The following VPS9D1 variants were observed in gnomAD, a reference collection of about 807,000 sequenced individuals.
The protein encoded by VPS9D1 is VPS9 domain containing 1, also known as VPS9 domain-containing protein 1.
In VPS9D1, 78 loss-of-function variants were observed where a neutral mutation model predicts 75.8. That is an observed-to-expected ratio of 1.03 (90% CI 0.86 to 1.24). The LOEUF (loss-of-function observed/expected upper bound fraction) is 1.24. Among genes scored for constraint, VPS9D1 ranks in the 50% most tolerant of loss-of-function variants. The pLI is 0.00. For synonymous variants in VPS9D1, 481 were observed against 385.6 expected, an observed-to-expected ratio of 1.25 and a Z score of -2.90; for missense variants, 1,057 against 847.7, an observed-to-expected ratio of 1.25 and a Z score of -3.07.
chr16:89,720,735 G>A, intron 1 of VPS9D1, 28 bp downstream of exon 1: 1 of 1,425,144 alleles, frequency 7.0e-7, no homozygotes, highest in Non-Finnish European at 9.2e-7. Context: ...ACCCTCAGCG[G>A]CCAAGCCCCG....
rs372206247 is a variant in VPS9D1 at position 89,711,425 on chromosome 16, G to A, written c.748-13C>T. 1.4e-5 allele frequency: 23 copies of A among 1,596,208 alleles called. No individual in the cohort carries two copies. Among genetic ancestry groups the A allele is most frequent in the Non-Finnish European group, 2.0e-5 (23 of 1,171,582 alleles). On this transcript the variant is annotated splice_polypyrimidine_tract_variant and intron_variant, in intron 8 of 14. Coordinates refer to ENST00000389386, the MANE Select transcript of VPS9D1 (RefSeq NM_004913.3). ...GCTTCGGCCAGTCCTACGGGACAGGGGGCCTTGAAGGAAAGCACGGTGGGT... is the reference window on the plus strand; with the variant it reads ...GCTTCGGCCAGTCCTACGGGACAGGAGGCCTTGAAGGAAAGCACGGTGGGT...
intron 1 of VPS9D1, among the ~76,000 whole-genome samples, chr16:89,719,952 C>T (rs965474085): frequency 6.6e-6 from 1 of 152,244 alleles, no homozygotes; most frequent in African/African-American, 2.4e-5. Context: ...CTCCTCACCT[C>T]AGGTGATCCA....
chr16:89,718,934 C>T (rs995177049), intron 2 of VPS9D1, 93 bp downstream of exon 2: 21 of 1,094,204 alleles, frequency 1.9e-5, no homozygotes, highest in Admixed American at 7.6e-5. Flanking sequence ...AGGATGGTTT[C>T]GATCTCCTGA....
intron 2 of VPS9D1, chr16:89,717,764 T>G (rs2151639736): frequency 4.4e-6 from 2 of 456,686 alleles, no homozygotes; most frequent in Non-Finnish European, 8.8e-6. Context: ...CTCCTCAATC[T>G]TGGAGCGCCA....
chr16:89,708,935 C>T lies in VPS9D1; in HGVS notation c.1619G>A (p.Cys540Tyr), dbSNP rs530320887. 1.2e-6 allele frequency: 2 copies of T among 1,605,308 alleles called. No homozygotes were observed. The highest frequency in any genetic ancestry group is 1.7e-6 in the Non-Finnish European group (2 of 1,177,252). ...GGGGCAGTAGTCTTCCGCACAGACA[C>T]AGATGATCCGCAGGGTCCGCACTGC... Reference protein sequence around the residue: ...ECIVRTLRIICVCAEDYCPTP... With the variant: ...ECIVRTLRIIYVCAEDYCPTP... The change falls in exon 13 of 15, where the codon TGT becomes TAT. Residue 540 changes from cysteine (C) to tyrosine (Y), a missense_variant. Transcript: ENST00000389386.
rs2061203618 is a variant in VPS9D1, at chr16:89,719,953, AG to A, written c.99+809del. 2.0e-5 allele frequency among the ~76,000 whole-genome samples: 3 copies of A among 152,204 alleles called. No individual in the cohort carries two copies. The South Asian group carries it at 6.2e-4, about 31-fold the overall frequency. ...AGGCTGGTCTCAAACTCCTCACCTCAGGTGATCCACCGCCTGGGCCTCCCAA... is the reference window on the plus strand; with the variant it reads ...AGGCTGGTCTCAAACTCCTCACCTCAGTGATCCACCGCCTGGGCCTCCCAA... On this transcript the variant is annotated intron_variant, in intron 1 of 14. Transcript: ENST00000389386.
intron 4 of VPS9D1, 123 bp downstream of exon 4, chr16:89,716,339 C>G (rs900953985): frequency 1.4e-6 from 2 of 1,438,616 alleles, no homozygotes; most frequent in Non-Finnish European, 1.9e-6. Flanking sequence ...GCACTCCAGC[C>G]TGGGTGACAG....
Position 89,712,624 on chromosome 16 carries a change from G to A in VPS9D1, c.524C>T (p.Ala175Val), listed in dbSNP as rs372333660. 5 of 1,609,828 alleles carry A rather than the reference G, an allele frequency of 3.1e-6. No individual in the cohort carries two copies. Among genetic ancestry groups the A allele is most frequent in the Non-Finnish European group, 4.2e-6 (5 of 1,178,080 alleles). ...ACTCACCAGGGATGTCTTCTGCATG[G>A]CCTGGCTGGGGTCTAGCCGCGCCAT... is the stretch of plus-strand genomic sequence containing the variant. The part of the protein sequence containing the change: ...ARMARLDPSQ[A>V]MQKTSLTLSL... Residue 175 changes from alanine to valine, a missense_variant, in exon 5 of 15, where the codon GCC becomes GTC. Physicochemically the swap from Ala to Val is moderately conservative, Grantham distance 64. Coordinates refer to ENST00000389386, the MANE Select transcript of VPS9D1 (RefSeq NM_004913.3).
At position 89,708,558 on chromosome 16, in the gene VPS9D1, G is replaced by T. The variant is rs1408689264; in HGVS notation, c.1698-27C>A. ...TGTCGGGAGGGCATAGCGGCCTTGG[G>T]TTGGGGCCAGGAGCCTCTCACTCCG... On this transcript the variant is annotated intron_variant, in intron 13 of 14. Transcript: ENST00000389386. The T allele has an allele frequency of 1.9e-6, 3 of 1,601,638 alleles. No homozygotes were observed. In the East Asian group the frequency reaches 6.7e-5, roughly 36 times the overall value.
At chr16:89,708,641 C>T (rs1167134535) in intron 13 of VPS9D1, 110 bp from the exon 14 acceptor site, 2 of 1,254,520 alleles carry the variant, frequency 1.6e-6, no homozygotes, top group Non-Finnish European at 2.2e-6. Context: ...CTGTGCCCTT[C>T]TGCGCAGAGG....
intron 4 of VPS9D1, among the ~76,000 whole-genome samples, chr16:89,715,691 T>G (rs2061048049): frequency 6.6e-6 from 1 of 151,802 alleles, no homozygotes; most frequent in Non-Finnish European, 1.5e-5. Flanking sequence ...CTAATTTTTT[T>G]TGAGACGGAG....
In VPS9D1 at chr16:89,708,444, C is replaced by T; in HGVS notation, c.1785G>A (p.Glu595=). The part of the protein sequence containing the change: ...PQLVSECAAL[E]EFIHEGYLIG... ...GGGTCTACCCCTCGTGGATGAACTC[C>T]TCCAGGGCCGCGCACTCCGACACCA... The change falls in exon 14 of 15, where the codon GAG becomes GAA. Residue 595 remains glutamate, a synonymous_variant. Transcript: ENST00000389386. 6.2e-7 allele frequency: 1 copy of T among 1,612,412 alleles called. No homozygotes were observed. The highest frequency in any genetic ancestry group is 8.5e-7 in the Non-Finnish European group (1 of 1,179,714).
intron 4 of VPS9D1, among the ~76,000 whole-genome samples, chr16:89,714,327 G>C (rs2061011671): frequency 6.6e-6 from 1 of 152,132 alleles, no homozygotes; most frequent in African/African-American, 2.4e-5. Context: ...TGTGGCCCAG[G>C]GAAGGCAAAA....
intron 6 of VPS9D1, 38 bp downstream of exon 6, chr16:89,712,422 T>C (rs1396110805): frequency 1.9e-6 from 3 of 1,610,424 alleles, no homozygotes; most frequent in Non-Finnish European, 2.5e-6. Context: ...CACACTGAGT[T>C]TCCCCTCGGG....
Position 89,710,721 on chromosome 16 carries a change from C to T in VPS9D1, c.1123G>A (p.Asp375Asn), listed in dbSNP as rs752639395. The change falls in exon 10 of 15, where the codon GAC becomes AAC. Residue 375 changes from aspartate to asparagine, a missense_variant. Transcript: ENST00000389386. ...AGGTCCTCGAACGAGCTGTCCTTGT[C>T]TGGCAATCCAGATGCGGTGTCCCCC... ...PLGDTASGLP[D>N]KDSSFEDLEQ... 1.2e-6 allele frequency: 2 copies of T among 1,600,396 alleles called. No individual in the cohort carries two copies. Among genetic ancestry groups the T allele is most frequent in the Non-Finnish European group, 1.7e-6 (2 of 1,174,052 alleles).
At position 89,709,249 on chromosome 16, in the gene VPS9D1, G is replaced by A. The variant is rs774043324; in HGVS notation, c.1575C>T (p.Pro525=). Residue 525 remains proline (P), a synonymous_variant, in exon 12 of 15, where the codon CCC becomes CCT. Transcript: ENST00000389386. The part of the protein sequence containing the change: ...ELGLLVLESC[P]QKKLECIVRT... The stretch of plus-strand genomic sequence containing the variant: ...GACCTATGCACTCCAGCTTCTTCTG[G>A]GGGCAGCTCTCCAGGACCAGCAGTC... 5 of 1,611,858 alleles carry A rather than the reference G, an allele frequency of 3.1e-6. No individual in the cohort carries two copies. Among genetic ancestry groups the A allele is most frequent in the Admixed American group, 3.3e-5 (2 of 59,990 alleles).
chr16:89,709,187 T>A (rs1326668781), intron 12 of VPS9D1, 40 bp downstream of exon 12: 2 of 1,603,088 alleles, frequency 1.2e-6, no homozygotes, highest in African/African-American at 2.7e-5. Context: ...CCTACTGGGA[T>A]GGGAGCCTGT....
chr16:89,718,100 C>T (rs1037737134), intron 2 of VPS9D1: 2 of 455,022 alleles, frequency 4.4e-6, no homozygotes, highest in Admixed American at 2.4e-5. Context: ...CTCCCCCTGA[C>T]CTCTGTGATC....
At chr16:89,711,237 T>G in intron 9 of VPS9D1, 90 bp downstream of exon 9, 1 of 1,397,374 alleles carries the variant, frequency 7.2e-7, no homozygotes, top group Non-Finnish European at 9.9e-7. Context: ...GCTCCCTGTG[T>G]CAGTCCAGCC....
Sources: gnomAD v4.1 joint callset for allele counts (sites outside exome capture counted in the v4.1 genomes callset) on GRCh38, gnomAD v4.1.1 for gene constraint, MANE v1.5 for transcripts, NCBI Gene and HGNC (gene_info 2026-07-23, HGNC 2026-07-21) for gene names.